SGO1: variants seen among roughly 807,000 people sequenced by gnomAD.
SGO1 encodes serologically defined breast cancer antigen NY-BR-85.
A neutral mutation model predicts 50.5 loss-of-function variants in SGO1; 39 were observed. The observed-to-expected ratio is 0.77, with a 90% CI of 0.60 to 1.01. The LOEUF (loss-of-function observed/expected upper bound fraction) is 1.01, where lower values mean the gene tolerates loss of function less well. Ranked by LOEUF, SGO1 falls within the 50% of genes least tolerant of loss-of-function variation. SGO1 has a pLI of 0.00. For missense variants in SGO1, 638 were observed against 606.0 expected (o/e 1.05, Z -0.55); for synonymous variants, 191 against 205.1 (o/e 0.93, Z 0.59).
chr3:20,172,792 TAAAAA>T (rs60411282), intron 6 of SGO1, among the ~76,000 whole-genome samples: 3 of 98,908 alleles, frequency 3.0e-5, no homozygotes, highest in African/African-American at 1.1e-4. Context: ...TCACAAAAAG[TAAAAA>T]AAAAAAAAAA....
At chr3:20,164,811 CAAG>C (rs367942973), downstream of SGO1, among the ~76,000 whole-genome samples, 315 of 152,052 alleles carry the variant, frequency 2.1e-3, 1 homozygote, top group African/African-American at 7.2e-3. Flanking sequence ...TATAATAAGT[CAAG>C]AATATGAAAT....
At position 20,162,739 on chromosome 3, in the gene SGO1, A is replaced by G. The variant is rs966755579; in HGVS notation, c.1565-1513T>C. Among the ~76,000 whole-genome samples the G allele has an allele frequency of 5.3e-5, 8 of 151,664 alleles. 1 individual carries two copies. Among genetic ancestry groups the G allele is most frequent in the African/African-American group, 1.9e-4 (8 of 41,506 alleles). On this transcript the variant is annotated intron_variant, in intron 8 of 8. Coordinates refer to the SGO1 transcript ENST00000263753. Reference sequence around the variant, plus strand: ...ATGCTCTAGAATATAAAACATGAACACAATAAAGAGACAAATAAAATATAT... The same window carrying G: ...ATGCTCTAGAATATAAAACATGAACGCAATAAAGAGACAAATAAAATATAT...
chr3:20,186,135 TAG>T lies in SGO1; in HGVS notation c.-197_-196del, dbSNP rs1575273853. On this transcript the variant is annotated 5_prime_UTR_variant, in exon 1 of 8. Transcript: ENST00000412997. ...CTCTTCGAAGCTCTCCAGCCACGGC[TAG>T]CCCCGCGCACTGGGCCCTCCAGGAC... The T allele has an allele frequency of 6.5e-6, 1 of 152,752 alleles. No homozygotes were observed. Among genetic ancestry groups the T allele is most frequent in the East Asian group, 1.9e-4 (1 of 5,188 alleles). The allele number at this position is 152,752 out of a possible 1,614,324, so 9.5% of individuals were successfully genotyped here.
Position 20,174,969 on chromosome 3 carries a change from T to C in SGO1, c.562A>G (p.Thr188Ala). ...AKSTDNVLPR[T>A]VSVRSSLKKH... is the part of the protein sequence containing the mutation. ...TTTAAACTGCTACGAACAGATACAGTTCTAGGTAAGACATTATCAGTAGAC... is the reference window on the plus strand; with the variant it reads ...TTTAAACTGCTACGAACAGATACAGCTCTAGGTAAGACATTATCAGTAGAC... The change falls in exon 6 of 8, where the codon ACT (threonine) becomes GCT (alanine). Residue 188 changes from threonine to alanine, a missense_variant. Coordinates refer to ENST00000412997, the MANE Select transcript of SGO1 (RefSeq NM_001199251.3). 2 of 1,613,278 alleles carry C rather than the reference T, an allele frequency of 1.2e-6. No homozygotes were observed. Among genetic ancestry groups the C allele is most frequent in the Non-Finnish European group, 1.7e-6 (2 of 1,179,570 alleles).
At chr3:20,172,023 C>T (rs1575199805) in intron 6 of SGO1, among the ~76,000 whole-genome samples, 1 of 152,196 alleles carries the variant, frequency 6.6e-6, no homozygotes, top group East Asian at 1.9e-4. Context: ...ATACTAAGAG[C>T]CATATGCTCC....
At chr3:20,176,712 A>C in intron 4 of SGO1, 53 bp from the exon 5 acceptor site, 1 of 1,189,128 alleles carries the variant, frequency 8.4e-7, no homozygotes. Flanking sequence ...AATAAAAACA[A>C]ATTCAGTATT....
chr3:20,170,796 G>C lies in SGO1; in HGVS notation c.1492C>G (p.Pro498Ala), dbSNP rs763197949. The C allele has an allele frequency of 1.7e-5, 27 of 1,593,508 alleles. No individual in the cohort carries two copies. The highest frequency in any genetic ancestry group is 2.3e-5 in the Non-Finnish European group (27 of 1,174,878). The change falls in exon 8 of 8, where the codon CCT becomes GCT. Residue 498 changes from proline to alanine, a missense_variant. Pro to Ala is a conservative substitution (Grantham distance 27). Transcript: ENST00000412997. ...TLASKLRRGD[P>A]FTDLCFLNSP... ...TTCAAAAAACACAAATCTGTAAAAGGGTCCCCTCTTCTCAGTTTCCTGTAA... is the reference window on the plus strand; with the variant it reads ...TTCAAAAAACACAAATCTGTAAAAGCGTCCCCTCTTCTCAGTTTCCTGTAA...
chr3:20,182,785 G>A (rs1472995177), intron 3 of SGO1, among the ~76,000 whole-genome samples: 1 of 152,136 alleles, frequency 6.6e-6, no homozygotes, highest in African/African-American at 2.4e-5. Flanking sequence ...TTGGGAGGTC[G>A]ACATGGGCGG....
At chr3:20,161,239 AAC>A in intron 8 of SGO1, 9 of 1,556,734 alleles carry the variant, frequency 5.8e-6, no homozygotes, top group Non-Finnish European at 6.1e-6. Context: ...GGTAAAAGCA[AAC>A]ACAAAATCAG....
chr3:20,170,903 A>G lies in SGO1; in HGVS notation c.1473-88T>C, dbSNP rs963794460. 7 of 1,502,316 alleles carry G rather than the reference A, an allele frequency of 4.7e-6. No homozygotes were observed. The African/African-American group carries it at 7.2e-5, about 15-fold the overall frequency. 93.1% of individuals were successfully genotyped at this position (1,502,316 alleles called of 1,614,324 possible). On this transcript the variant is annotated intron_variant, in intron 7 of 7. Coordinates refer to ENST00000412997, the MANE Select transcript of SGO1 (RefSeq NM_001199251.3). ...CTACCAAGTTATGGTAAAACACACC[A>G]ATTTTAAATGTTCTCACTTCAGTTT...
chr3:20,165,968 G>A (rs990434788), downstream of SGO1, among the ~76,000 whole-genome samples: 19 of 152,112 alleles, frequency 1.2e-4, no homozygotes, highest in African/African-American at 4.3e-4. Flanking sequence ...CAGGAGAATC[G>A]CTGGAACCCA....
At chr3:20,169,043 CTTAAAAA>C (rs1700468300), downstream of SGO1, 1 of 983,608 alleles carries the variant, frequency 1.0e-6, no homozygotes, top group South Asian at 4.7e-5. Flanking sequence ...AAAAAAAAAA[CTTAAAAA>C]TTAAGAGACT....
chr3:20,163,358 T>TCA, intron 8 of SGO1, among the ~76,000 whole-genome samples: 1 of 152,248 alleles, frequency 6.6e-6, no homozygotes, highest in Non-Finnish European at 1.5e-5. Flanking sequence ...TATAAAAACT[T>TCA]TTCTTGGAGT....
At position 20,170,823 on chromosome 3, in the gene SGO1, A is replaced by G; in HGVS notation, c.1473-8T>C. The G allele has an allele frequency of 1.3e-6, 2 of 1,586,016 alleles. No homozygotes were observed. The highest frequency in any genetic ancestry group is 1.7e-6 in the Non-Finnish European group (2 of 1,172,986). ...TCCCCTCTTCTCAGTTTCCTGTAAG[A>G]GTAAAAAGAGATCTCAGGCATAATG... On this transcript the variant is annotated splice_polypyrimidine_tract_variant and splice_region_variant and intron_variant, in intron 7 of 7. Coordinates refer to ENST00000412997, the MANE Select transcript of SGO1 (RefSeq NM_001199251.3).
At chr3:20,161,892 C>CA (rs1409379249) in intron 8 of SGO1, among the ~76,000 whole-genome samples, 2 of 152,150 alleles carry the variant, frequency 1.3e-5, no homozygotes, top group East Asian at 3.8e-4. Context: ...AAATATTAAT[C>CA]AACTGTTTTC....
downstream of SGO1, among the ~76,000 whole-genome samples, chr3:20,166,720 A>G (rs957156503): frequency 3.2e-4 from 48 of 151,790 alleles, no homozygotes; most frequent in African/African-American, 1.1e-3. Context: ...AAAATGATCA[A>G]AATGGTCAGG....
In SGO1 at chr3:20,170,407, A is replaced by AG; in HGVS notation, c.*296_*297insC. ...GAATGAAATTCCGCCTCCAAAAAAA[A>AG]AAAAAGATATATTTCGACTAAAATT... On this transcript the variant is annotated 3_prime_UTR_variant, in exon 8 of 8. Coordinates refer to ENST00000412997, the MANE Select transcript of SGO1 (RefSeq NM_001199251.3). 1.0e-6 allele frequency: 1 copy of AG among 984,676 alleles called. No homozygotes were observed. Among genetic ancestry groups the AG allele is most frequent in the Non-Finnish European group, 1.2e-6 (1 of 826,898 alleles). 61.0% of individuals were successfully genotyped at this position (984,676 alleles called of 1,614,324 possible). A position where few individuals can be genotyped will look rare whatever the true frequency, so the allele number is the denominator to read the frequency against.
intron 8 of SGO1, among the ~76,000 whole-genome samples, chr3:20,162,797 A>C (rs1700106348): frequency 6.6e-6 from 1 of 150,548 alleles, no homozygotes; most frequent in African/African-American, 2.4e-5. Context: ...GAATTTCTAG[A>C]GGTAAAAAAA....
At chr3:20,164,996 TAAAG>T (rs1700221810), downstream of SGO1, among the ~76,000 whole-genome samples, 1 of 152,124 alleles carries the variant, frequency 6.6e-6, no homozygotes, top group Admixed American at 6.5e-5. Flanking sequence ...CAAAATGACA[TAAAG>T]AAAAAGCAGA....
Sources: allele counts gnomAD v4.1 joint callset (sites outside exome capture counted in the v4.1 genomes callset), GRCh38; gene constraint gnomAD v4.1.1; transcripts MANE v1.5; gene names NCBI Gene and HGNC (gene_info 2026-07-23, HGNC 2026-07-21).